Variants in TOX observed in about 807,000 individuals in gnomAD.
TOX encodes thymocyte selection-associated high mobility group box protein TOX.
Under a neutral mutation model 53.7 loss-of-function variants are expected in TOX, and 11 were observed. The observed-to-expected ratio is 0.20, with a 90% CI of 0.13 to 0.34. The LOEUF (loss-of-function observed/expected upper bound fraction) is 0.34. Among genes scored for constraint, TOX ranks in the 10% least tolerant of loss-of-function variants. TOX has a pLI of 1.00. For synonymous variants in TOX, 225 were observed against 245.3 expected (o/e 0.92, Z 0.77); for missense variants, 570 against 664.6 (o/e 0.86, Z 1.56).
At chr8:59,018,902 G>A (rs1814067001) in intron 1 of TOX, among the ~76,000 whole-genome samples, 1 of 152,100 alleles carries the variant, frequency 6.6e-6, no homozygotes, top group Non-Finnish European at 1.5e-5. Flanking sequence ...GGATTATTAT[G>A]GTTAGCCTAG....
chr8:59,021,496 A>ATTTG (rs1814133667), intron 1 of TOX, among the ~76,000 whole-genome samples: 1 of 129,110 alleles, frequency 7.7e-6, no homozygotes, highest in Non-Finnish European at 1.7e-5. Context: ...ATATATATAT[A>ATTTG]TATGCACATA....
Position 59,080,705 on chromosome 8 carries a change from G to A in TOX, c.102+38181C>T, listed in dbSNP as rs112424867. Among the ~76,000 whole-genome samples, 1,419 of 152,064 alleles carry A rather than the reference G, an allele frequency of 9.3e-3. 34 individuals are homozygous for A. The highest frequency in any genetic ancestry group is 0.033 in the African/African-American group (1,361 of 41,462). Reference sequence around the variant, plus strand: ...ATGACAGTGAGTTCTCACAAGATCCGGTCATTTAAGTCTGTGGCACCTTCC... The same window carrying A: ...ATGACAGTGAGTTCTCACAAGATCCAGTCATTTAAGTCTGTGGCACCTTCC... On this transcript the variant is annotated intron_variant, in intron 1 of 8. Transcript: ENST00000361421.
chr8:58,819,472 G>A (rs975115066), intron 6 of TOX, among the ~76,000 whole-genome samples: 2 of 152,112 alleles, frequency 1.3e-5, no homozygotes, highest in African/African-American at 4.8e-5. Context: ...GCATTTAGAC[G>A]ACAGATTCTG....
chr8:59,085,979 C>CTTTTTTTTTTTTTTTTTTTTTTTTT (rs35593177), intron 1 of TOX, among the ~76,000 whole-genome samples: 1 of 88,824 alleles, frequency 1.1e-5, no homozygotes, highest in Non-Finnish European at 2.2e-5. Flanking sequence ...CTTTTCTTTT[C>CTTTTTTTTTTTTTTTTTTTTTTTTT]TTTTTTTTTT....
intron 7 of TOX, among the ~76,000 whole-genome samples, chr8:58,812,377 G>A (rs1331555600): frequency 2.6e-5 from 4 of 151,810 alleles, no homozygotes; most frequent in South Asian, 2.1e-4. Flanking sequence ...CTTTCCACTG[G>A]CCTCCTTCCG....
At chr8:59,063,185 G>T (rs967535027) in intron 1 of TOX, among the ~76,000 whole-genome samples, 1 of 152,112 alleles carries the variant, frequency 6.6e-6, no homozygotes, top group African/African-American at 2.4e-5. Context: ...GGATTTGTAA[G>T]AATCTCAATC....
At chr8:58,840,215 A>G (rs987208077) in intron 4 of TOX, among the ~76,000 whole-genome samples, 1 of 152,208 alleles carries the variant, frequency 6.6e-6, no homozygotes, top group African/African-American at 2.4e-5. Context: ...TGAGAAACCT[A>G]TTAAAAAGAA....
intron 5 of TOX, among the ~76,000 whole-genome samples, chr8:58,835,203 A>G (rs1810525767): frequency 6.6e-6 from 1 of 152,210 alleles, no homozygotes; most frequent in Non-Finnish European, 1.5e-5. Context: ...TCATTGAGAG[A>G]CAACCCAAAG....
intron 1 of TOX, among the ~76,000 whole-genome samples, chr8:59,027,661 A>T (rs1814270329): frequency 6.6e-6 from 1 of 151,964 alleles, no homozygotes. Flanking sequence ...GCCCAATCTG[A>T]TTTTTTACGG....
chr8:58,837,643 C>A (rs1335009688), intron 5 of TOX, among the ~76,000 whole-genome samples: 2 of 152,154 alleles, frequency 1.3e-5, no homozygotes, highest in African/African-American at 4.8e-5. Context: ...TAAGGAATGG[C>A]TAGGGGCGGA....
At chr8:58,843,143 TA>T (rs1810672491) in intron 4 of TOX, among the ~76,000 whole-genome samples, 1 of 152,204 alleles carries the variant, frequency 6.6e-6, no homozygotes. Context: ...TTGTTGTGCC[TA>T]AAAACAAGAG....
At chr8:58,901,411 C>A (rs989386046) in intron 3 of TOX, among the ~76,000 whole-genome samples, 5 of 152,186 alleles carry the variant, frequency 3.3e-5, no homozygotes, top group South Asian at 2.1e-4. Flanking sequence ...TTAATGGATA[C>A]TCTGCTACTG....
chr8:59,103,533 C>T (rs960153891), intron 1 of TOX, among the ~76,000 whole-genome samples: 8 of 152,182 alleles, frequency 5.3e-5, no homozygotes, highest in African/African-American at 1.9e-4. Context: ...ATAAGATCCA[C>T]ATATTGCTTA....
At chr8:59,011,284 A>G (rs1210977811) in intron 1 of TOX, among the ~76,000 whole-genome samples, 1 of 152,146 alleles carries the variant, frequency 6.6e-6, no homozygotes, top group Non-Finnish European at 1.5e-5. Context: ...GGAAAATCCT[A>G]TTTATTTCTA....
Position 58,889,226 on chromosome 8 carries a change from A to C in TOX, c.412-37421T>G, listed in dbSNP as rs868815161. 7.2e-4 allele frequency among the ~76,000 whole-genome samples: 108 copies of C among 150,928 alleles called. 2 individuals are homozygous for C. Among genetic ancestry groups the C allele is most frequent in the Middle Eastern group, 3.4e-3 (1 of 294 alleles). ...GTTTACAATAGCAAAAAAAAAAAAA[A>C]AAAAAACAAAAAACCCTGAAAACAA... On this transcript the variant is annotated intron_variant, in intron 3 of 8. Coordinates refer to ENST00000361421, the MANE Select transcript of TOX (RefSeq NM_014729.3).
chr8:58,938,844 T>C (rs946559712), intron 3 of TOX, among the ~76,000 whole-genome samples: 1 of 152,216 alleles, frequency 6.6e-6, no homozygotes, highest in Non-Finnish European at 1.5e-5. Context: ...CTGAAAAATT[T>C]TTTCTTACCT....
chr8:59,111,431 T>A (rs1805015627), intron 1 of TOX, among the ~76,000 whole-genome samples: 1 of 152,144 alleles, frequency 6.6e-6, no homozygotes. Context: ...AGTCATGATG[T>A]TTTTCCTTTG....
chr8:59,091,095 A>G (rs1804600014), intron 1 of TOX, among the ~76,000 whole-genome samples: 1 of 151,888 alleles, frequency 6.6e-6, no homozygotes, highest in African/African-American at 2.4e-5. Flanking sequence ...TCCCTCAACT[A>G]TTGCTCTCTC....
chr8:58,809,398 C>A (rs1024345462), intron 7 of TOX, among the ~76,000 whole-genome samples: 3 of 152,190 alleles, frequency 2.0e-5, no homozygotes, highest in Non-Finnish European at 4.4e-5. Context: ...TTGAGTGTCC[C>A]TCGTGTAAAG....
Sources: allele counts gnomAD v4.1 joint callset (sites outside exome capture counted in the v4.1 genomes callset), GRCh38; gene constraint gnomAD v4.1.1; transcripts MANE v1.5; gene names NCBI Gene and HGNC (gene_info 2026-07-23, HGNC 2026-07-21).